Variants in LOC400499 observed in about 807,000 individuals in gnomAD.
At chr16:11,483,722 A>AG in the LOC400499 span, among the ~76,000 whole-genome samples, 1 of 151,544 alleles carries the variant, frequency 6.6e-6, no homozygotes, top group East Asian at 1.9e-4. Flanking sequence ...AAAAAAAAAA[A>AG]AAACTAGATA....
the LOC400499 span, among the ~76,000 whole-genome samples, chr16:11,519,718 T>C: frequency 6.6e-5 from 10 of 152,002 alleles, no homozygotes; most frequent in African/African-American, 2.4e-4. Context: ...TTTTTTTTTT[T>C]TTTTGAGATG....
At chr16:11,508,723 C>G in the LOC400499 span, 1 of 399,036 alleles carries the variant, frequency 2.5e-6, no homozygotes. Context: ...TACCTCCAAG[C>G]TAGTGGTCTG....
chr16:11,424,369 G>T, the LOC400499 span: 12 of 399,534 alleles, frequency 3.0e-5, no homozygotes, highest in Non-Finnish European at 5.3e-5. Flanking sequence ...CAGCGGGCAG[G>T]AGTGGGCAGA....
the LOC400499 span, chr16:11,390,434 G>C: frequency 2.4e-6 from 3 of 1,252,048 alleles, no homozygotes; most frequent in African/African-American, 3.1e-5. Context: ...GTCACCTCCA[G>C]GTAGGCATCC....
the LOC400499 span, among the ~76,000 whole-genome samples, chr16:11,474,920 A>C: frequency 6.6e-6 from 1 of 152,190 alleles, no homozygotes; most frequent in African/African-American, 2.4e-5. Context: ...AAAAGGAAAA[A>C]ATTAAGCTGG....
At chr16:11,477,123 C>T in the LOC400499 span, among the ~76,000 whole-genome samples, 1 of 152,256 alleles carries the variant, frequency 6.6e-6, no homozygotes, top group African/African-American at 2.4e-5. Context: ...CTGCACTAAT[C>T]CCTTTTATGG....
At chr16:11,459,881 A>G in the LOC400499 span, 22 of 1,350,090 alleles carry the variant, frequency 1.6e-5, 1 homozygote, top group South Asian at 4.1e-4. Flanking sequence ...GCTCTGCCGC[A>G]GTGGCCAGGC....
At chr16:11,398,395 G>A in the LOC400499 span, 82 of 1,232,314 alleles carry the variant, frequency 6.7e-5, no homozygotes, top group African/African-American at 4.3e-4. Flanking sequence ...CGCAGCCAGC[G>A]TGCATAGTCA....
chr16:11,456,924 C>T, the LOC400499 span: 42 of 1,536,164 alleles, frequency 2.7e-5, no homozygotes, highest in South Asian at 1.5e-4. Flanking sequence ...AAACAGCGGC[C>T]GCCCATTGTA....
At chr16:11,508,152 C>G in the LOC400499 span, among the ~76,000 whole-genome samples, 1 of 152,212 alleles carries the variant, frequency 6.6e-6, no homozygotes, top group Non-Finnish European at 1.5e-5. Context: ...GCTAAACCAT[C>G]TCTCTCGTGC....
the LOC400499 span, among the ~76,000 whole-genome samples, chr16:11,525,425 T>A: frequency 6.6e-6 from 1 of 152,126 alleles, no homozygotes; most frequent in African/African-American, 2.4e-5. Flanking sequence ...AGGGTTTTTT[T>A]CTCCTAAATA....
the LOC400499 span, among the ~76,000 whole-genome samples, chr16:11,515,709 G>GACGAGGA: frequency 2.7e-5 from 2 of 72,732 alleles, no homozygotes; most frequent in South Asian, 8.0e-4. Flanking sequence ...GCTGAGGAGG[G>GACGAGGA]AGGAGGAAGG....
chr16:11,470,344 G>A, the LOC400499 span, among the ~76,000 whole-genome samples: 1 of 152,176 alleles, frequency 6.6e-6, no homozygotes, highest in African/African-American at 2.4e-5. Context: ...CCCTAGCCCA[G>A]AGGGGAACAC....
At chr16:11,499,763 C>T in the LOC400499 span, among the ~76,000 whole-genome samples, 2 of 152,136 alleles carry the variant, frequency 1.3e-5, no homozygotes, top group Non-Finnish European at 2.9e-5. Context: ...CGCTCCCTAC[C>T]GATGCCATCT....
chr16:11,479,567 G>C, the LOC400499 span, among the ~76,000 whole-genome samples: 8 of 152,008 alleles, frequency 5.3e-5, no homozygotes, highest in Admixed American at 2.0e-4. Flanking sequence ...AGGCTGTAGC[G>C]AGCTATGATC....
chr16:11,432,218 C>T, the LOC400499 span, among the ~76,000 whole-genome samples: 2 of 152,236 alleles, frequency 1.3e-5, no homozygotes, highest in African/African-American at 4.8e-5. Context: ...CAGAGAATGA[C>T]CCCTGCCAAA....
the LOC400499 span, among the ~76,000 whole-genome samples, chr16:11,433,728 A>C: frequency 6.6e-6 from 1 of 152,176 alleles, no homozygotes; most frequent in African/African-American, 2.4e-5. Context: ...ATAAGCGGTC[A>C]TGCCCGCATG....
chr16:11,372,656 A>T, the LOC400499 span: 2 of 731,144 alleles, frequency 2.7e-6, no homozygotes, highest in African/African-American at 3.9e-5. Flanking sequence ...GAATCTTGTC[A>T]TTGTCAGGGA....
chr16:11,381,996 G>A, the LOC400499 span, among the ~76,000 whole-genome samples: 4 of 151,360 alleles, frequency 2.6e-5, no homozygotes, highest in Non-Finnish European at 5.9e-5. Flanking sequence ...AGGCTGGAGT[G>A]CAGTGGCGCA....
Sources: gnomAD v4.1 joint callset for allele counts (sites outside exome capture counted in the v4.1 genomes callset) on GRCh38, gnomAD v4.1.1 for gene constraint, MANE v1.5 for transcripts.